The following RCAN2 variants were observed in gnomAD, a reference collection of about 807,000 sequenced individuals.
RCAN2 encodes regulator of calcineurin 2, also known as calcipressin-2.
Under a neutral mutation model 23.6 loss-of-function variants are expected in RCAN2, and 9 were observed. That is an observed-to-expected ratio of 0.38 (90% CI 0.23 to 0.67). RCAN2 has a LOEUF of 0.67. Ranked by LOEUF, RCAN2 falls within the 30% of genes least tolerant of loss-of-function variation. The pLI is 0.51. For synonymous variants in RCAN2, 109 were observed against 115.7 expected (o/e 0.94, Z 0.37); for missense variants, 273 against 302.3 (o/e 0.90, Z 0.72).
At chr6:46,368,406 C>A (rs142920513) in intron 2 of RCAN2, among the ~76,000 whole-genome samples, 3 of 152,264 alleles carry the variant, frequency 2.0e-5, no homozygotes, top group African/African-American at 7.2e-5. Context: ...AAAATACACA[C>A]CCCTTTCCCC....
intron 2 of RCAN2, among the ~76,000 whole-genome samples, chr6:46,270,195 C>T (rs1767478832): frequency 6.6e-6 from 1 of 152,046 alleles, no homozygotes; most frequent in Admixed American, 6.6e-5. Flanking sequence ...GAGTATAGGG[C>T]CCCAGGACTA....
intron 2 of RCAN2, among the ~76,000 whole-genome samples, chr6:46,326,165 G>C (rs907068403): frequency 4.6e-5 from 7 of 152,162 alleles, no homozygotes; most frequent in Non-Finnish European, 1.5e-5. Context: ...CTGTCATTTA[G>C]GGAGCATGGT....
At chr6:46,311,668 C>T (rs967516477) in intron 2 of RCAN2, among the ~76,000 whole-genome samples, 1 of 152,172 alleles carries the variant, frequency 6.6e-6, no homozygotes, top group African/African-American at 2.4e-5. Context: ...GCCTTTGAAA[C>T]CCCAGATCAA....
chr6:46,402,780 A>G (rs759434140), intron 2 of RCAN2, among the ~76,000 whole-genome samples: 2 of 152,180 alleles, frequency 1.3e-5, no homozygotes, highest in African/African-American at 4.8e-5. Flanking sequence ...CTAAGGATAA[A>G]AATGAACAGT....
intron 2 of RCAN2, among the ~76,000 whole-genome samples, chr6:46,372,694 T>C (rs945842730): frequency 2.6e-5 from 4 of 152,230 alleles, no homozygotes; most frequent in Middle Eastern, 3.2e-3. Context: ...TATTCACATC[T>C]GAAAAATGAT....
At chr6:46,225,823 C>T (rs899202532) in intron 4 of RCAN2, among the ~76,000 whole-genome samples, 3 of 152,142 alleles carry the variant, frequency 2.0e-5, no homozygotes, top group Non-Finnish European at 4.4e-5. Flanking sequence ...GCTTTTGTTG[C>T]CATTGCTTCT....
intron 2 of RCAN2, among the ~76,000 whole-genome samples, chr6:46,335,909 A>T (rs908543147): frequency 2.0e-5 from 3 of 152,232 alleles, no homozygotes; most frequent in African/African-American, 7.2e-5. Context: ...GTAAACATTC[A>T]TAGGAGTTAA....
chr6:46,247,411 AC>A (rs745502505), intron 3 of RCAN2, among the ~76,000 whole-genome samples: 16 of 152,338 alleles, frequency 1.1e-4, no homozygotes, highest in Non-Finnish European at 1.9e-4. Context: ...CTAACCTGCA[AC>A]AACCACTTCT....
chr6:46,343,510 G>T (rs1238491689), intron 2 of RCAN2, among the ~76,000 whole-genome samples: 1 of 151,334 alleles, frequency 6.6e-6, no homozygotes, highest in African/African-American at 2.4e-5. Context: ...TGAGTAGCTG[G>T]GACTACAGGT....
chr6:46,262,236 C>A (rs575896594), intron 2 of RCAN2, among the ~76,000 whole-genome samples: 1 of 152,086 alleles, frequency 6.6e-6, no homozygotes, highest in Non-Finnish European at 1.5e-5. Flanking sequence ...CTTAAGCAGG[C>A]AACCTAAATG....
At position 46,391,680 on chromosome 6, in the gene RCAN2, T is replaced by C. The variant is rs115677814; in HGVS notation, c.225+65072A>G. On this transcript the variant is annotated intron_variant, in intron 2 of 4. Coordinates refer to ENST00000371374, the MANE Select transcript of RCAN2 (RefSeq NM_001251974.2). ...TGCTGTGGGCTGTGACAGTGGAAGTTGGAGGAGTTATACCTGATTAAACAA... is the reference window on the plus strand; with the variant it reads ...TGCTGTGGGCTGTGACAGTGGAAGTCGGAGGAGTTATACCTGATTAAACAA... Among the ~76,000 whole-genome samples the C allele has an allele frequency of 2.3e-3, 357 of 152,284 alleles. 1 individual carries two copies. Among genetic ancestry groups the C allele is most frequent in the African/African-American group, 8.1e-3 (335 of 41,566 alleles).
chr6:46,288,836 A>G (rs116245853), intron 2 of RCAN2, among the ~76,000 whole-genome samples: 1 of 152,268 alleles, frequency 6.6e-6, no homozygotes. Flanking sequence ...TGAAAGTTCC[A>G]TGAGGTCAGA....
chr6:46,318,732 T>C (rs570992975), intron 2 of RCAN2, among the ~76,000 whole-genome samples: 33 of 152,220 alleles, frequency 2.2e-4, no homozygotes, highest in Admixed American at 7.9e-4. Flanking sequence ...AAGAGAAATA[T>C]ATAGTAAATA....
intron 2 of RCAN2, among the ~76,000 whole-genome samples, chr6:46,409,041 T>C (rs1766482931): frequency 6.6e-6 from 1 of 152,194 alleles, no homozygotes. Context: ...AGATGTGTTT[T>C]TAAATTATAC....
intron 2 of RCAN2, among the ~76,000 whole-genome samples, chr6:46,301,339 A>C (rs1434440322): frequency 6.6e-6 from 1 of 152,062 alleles, no homozygotes; most frequent in Non-Finnish European, 1.5e-5. Context: ...CTGCAAAGAT[A>C]CACAGGTATG....
chr6:46,360,532 T>TGA, intron 2 of RCAN2, among the ~76,000 whole-genome samples: 1 of 18,968 alleles, frequency 5.3e-5, no homozygotes, highest in Admixed American at 1.0e-3. Flanking sequence ...AGACTCCGTC[T>TGA]CAAAAAAAAA....
At chr6:46,414,196 C>T (rs1002910801) in intron 2 of RCAN2, among the ~76,000 whole-genome samples, 1 of 152,106 alleles carries the variant, frequency 6.6e-6, no homozygotes, top group Non-Finnish European at 1.5e-5. Flanking sequence ...AATAAGTGCC[C>T]ATTTTGCATA....
intron 1 of RCAN2, among the ~76,000 whole-genome samples, chr6:46,472,968 A>G (rs1768610967): frequency 6.6e-6 from 1 of 152,232 alleles, no homozygotes; most frequent in Admixed American, 6.5e-5. Context: ...AAGTCCCTTC[A>G]TGGGACTAAC....
intron 2 of RCAN2, among the ~76,000 whole-genome samples, chr6:46,258,446 C>A (rs1373722245): frequency 6.6e-6 from 1 of 152,190 alleles, no homozygotes; most frequent in African/African-American, 2.4e-5. Context: ...GAACTGCAAT[C>A]TTTCTTCACT....
Sources: gnomAD v4.1 joint callset for allele counts (sites outside exome capture counted in the v4.1 genomes callset) on GRCh38, gnomAD v4.1.1 for gene constraint, MANE v1.5 for transcripts, NCBI Gene and HGNC (gene_info 2026-07-23, HGNC 2026-07-21) for gene names.